DIS3L2: variants seen among roughly 807,000 people sequenced by gnomAD.
DIS3L2 encodes DIS3-like exonuclease 2.
Under a neutral mutation model 97.5 loss-of-function variants are expected in DIS3L2, and 34 were observed. The ratio of observed to expected loss-of-function variants is 0.35; its 90% CI spans 0.27 to 0.46. The LOEUF (loss-of-function observed/expected upper bound fraction) is 0.46. Ranked by LOEUF, DIS3L2 falls within the 20% of genes least tolerant of loss-of-function variation. DIS3L2 has a pLI of 1.00. For missense variants in DIS3L2, 1,038 were observed against 1,146.0 expected (o/e 0.91, Z 1.36); for synonymous variants, 435 against 445.2 (o/e 0.98, Z 0.29).
At chr2:232,322,540 G>A (rs1056667886) in intron 14 of DIS3L2, among the ~76,000 whole-genome samples, 3 of 152,228 alleles carry the variant, frequency 2.0e-5, no homozygotes, top group South Asian at 2.1e-4. Context: ...ACCACTCTAC[G>A]CTTGTTTCCC....
chr2:232,087,040 T>A (rs985173940), intron 5 of DIS3L2, among the ~76,000 whole-genome samples: 1 of 151,848 alleles, frequency 6.6e-6, no homozygotes, highest in African/African-American at 2.4e-5. Flanking sequence ...CTTAATTTTG[T>A]TTTTTTTCCA....
At chr2:232,048,521 A>G (rs545871599) in intron 5 of DIS3L2, among the ~76,000 whole-genome samples, 29 of 152,294 alleles carry the variant, frequency 1.9e-4, no homozygotes, top group Non-Finnish European at 1.8e-4. Context: ...TCATGAGGTC[A>G]GGAGATCGAG....
At chr2:232,004,972 G>A (rs1469801098) in intron 1 of DIS3L2, among the ~76,000 whole-genome samples, 3 of 152,102 alleles carry the variant, frequency 2.0e-5, no homozygotes, top group Non-Finnish European at 4.4e-5. Context: ...TTACCTCAGT[G>A]AGCGTAGTTA....
rs984527615 is a variant in DIS3L2 at position 232,176,809 on chromosome 2, A to T, written c.1124+13177A>T. Among the ~76,000 whole-genome samples the T allele has an allele frequency of 2.1e-4, 31 of 149,472 alleles. No homozygotes were observed. The South Asian group carries it at 3.4e-3, about 16-fold the overall frequency. ...AATTAATTAATTTATTATTATTATT[A>T]TTTTTTAAATTATACTTTAAGTTTT... On this transcript the variant is annotated intron_variant, in intron 9 of 20. Transcript: ENST00000325385.
intron 10 of DIS3L2, among the ~76,000 whole-genome samples, chr2:232,213,669 T>TTTTG (rs1692255864): frequency 6.6e-6 from 1 of 150,472 alleles, no homozygotes; most frequent in South Asian, 2.1e-4. Context: ...TAGTTTTTTT[T>TTTTG]TTTTTTTTTT....
intron 8 of DIS3L2, among the ~76,000 whole-genome samples, chr2:232,144,313 C>T (rs1282095038): frequency 1.3e-5 from 2 of 152,106 alleles, no homozygotes; most frequent in Non-Finnish European, 2.9e-5. Flanking sequence ...TTCTTATTTA[C>T]ACTTGTTAGA....
chr2:232,006,005 T>G (rs1485453136), intron 1 of DIS3L2, among the ~76,000 whole-genome samples: 1 of 152,090 alleles, frequency 6.6e-6, no homozygotes, highest in Non-Finnish European at 1.5e-5. Context: ...CTGGCCAACA[T>G]GGCAAAACCC....
rs550334462 is a variant in DIS3L2 at position 232,096,325 on chromosome 2, A to T, written c.601+8604A>T. On this transcript the variant is annotated intron_variant, in intron 6 of 20. Transcript: ENST00000325385. The stretch of plus-strand genomic sequence containing the variant: ...ATGGTCTTGATCTCCTGACCTCGTG[A>T]TCTGCCCACCTCGGCCTCCCAAAGT... Among the ~76,000 whole-genome samples the T allele has an allele frequency of 2.8e-3, 426 of 151,396 alleles. 1 individual carries two copies. Among genetic ancestry groups the T allele is most frequent in the Non-Finnish European group, 4.7e-3 (316 of 67,882 alleles).
intron 10 of DIS3L2, among the ~76,000 whole-genome samples, chr2:232,222,379 A>G (rs1043513729): frequency 6.6e-6 from 1 of 152,190 alleles, no homozygotes; most frequent in Non-Finnish European, 1.5e-5. Flanking sequence ...GGCCCTTGAT[A>G]ATGAACCTGG....
At chr2:232,337,218 A>G, downstream of DIS3L2, 1 of 900,264 alleles carries the variant, frequency 1.1e-6, no homozygotes, top group Non-Finnish European at 1.3e-6. Flanking sequence ...CATCACCCTG[A>G]CGAATGTGAC....
intron 6 of DIS3L2, among the ~76,000 whole-genome samples, chr2:232,126,644 CAGGGATGTGGCTG>C (rs1698070753): frequency 1.3e-5 from 2 of 152,176 alleles, no homozygotes; most frequent in South Asian, 4.1e-4. Context: ...TGTAGACATG[CAGGGATGTGGCTG>C]AGGGATGTGG....
intron 9 of DIS3L2, among the ~76,000 whole-genome samples, chr2:232,174,082 C>T (rs1170605321): frequency 6.6e-6 from 1 of 152,028 alleles, no homozygotes; most frequent in Non-Finnish European, 1.5e-5. Flanking sequence ...GATGTCTGTC[C>T]ATTAATTAGG....
rs1695970658 is a variant in DIS3L2 at position 232,336,781 on chromosome 2, T to A, written c.*151T>A. On this transcript the variant is annotated 3_prime_UTR_variant, in exon 21 of 21. Coordinates refer to ENST00000325385, the MANE Select transcript of DIS3L2 (RefSeq NM_152383.5). Reference sequence around the variant, plus strand: ...TATTTAATTTTTGCAGCTCAACTTTTAAACAAACTGCAGGGGAGAGGGTGG... The same window carrying A: ...TATTTAATTTTTGCAGCTCAACTTTAAAACAAACTGCAGGGGAGAGGGTGG... 1.4e-6 allele frequency: 2 copies of A among 1,464,034 alleles called. No homozygotes were observed. Among genetic ancestry groups the A allele is most frequent in the Non-Finnish European group, 1.8e-6 (2 of 1,117,216 alleles). 90.7% of individuals were successfully genotyped at this position (1,464,034 alleles called of 1,614,324 possible).
chr2:232,078,014 TTTC>T (rs1696265091), intron 5 of DIS3L2, among the ~76,000 whole-genome samples: 4 of 113,006 alleles, frequency 3.5e-5, no homozygotes, highest in Non-Finnish European at 5.4e-5. Flanking sequence ...TCTTTCTTTC[TTTC>T]TTTTTCTCTT....
At chr2:232,282,014 C>T (rs1179114919) in intron 13 of DIS3L2, among the ~76,000 whole-genome samples, 1 of 151,976 alleles carries the variant, frequency 6.6e-6, no homozygotes, top group Non-Finnish European at 1.5e-5. Flanking sequence ...TGAAAGCCTC[C>T]ATCCCCTGAC....
At chr2:232,054,006 C>T (rs1257469677) in intron 5 of DIS3L2, among the ~76,000 whole-genome samples, 1 of 152,118 alleles carries the variant, frequency 6.6e-6, no homozygotes, top group Non-Finnish European at 1.5e-5. Flanking sequence ...TCCAAGAGTC[C>T]CTCATTAGCA....
intron 1 of DIS3L2, among the ~76,000 whole-genome samples, chr2:231,968,343 G>A (rs949806452): frequency 2.0e-5 from 3 of 152,138 alleles, no homozygotes; most frequent in South Asian, 4.1e-4. Context: ...TGATCCGCCC[G>A]CCTCGGTCTC....
At chr2:232,012,190 T>G (rs957612698) in intron 1 of DIS3L2, among the ~76,000 whole-genome samples, 2 of 152,216 alleles carry the variant, frequency 1.3e-5, no homozygotes, top group African/African-American at 4.8e-5. Flanking sequence ...GAAAACAAAC[T>G]CATCCATTCA....
rs577946039 is a variant in DIS3L2 at position 232,290,050 on chromosome 2, G to A, written c.1660-9990G>A. ...CACTTTCCTGTGGAAGCAGCTTTGGGTAACTGCATTCCTTCGACAGTAGTT... is the reference window on the plus strand; with the variant it reads ...CACTTTCCTGTGGAAGCAGCTTTGGATAACTGCATTCCTTCGACAGTAGTT... On this transcript the variant is annotated intron_variant, in intron 13 of 20. Transcript: ENST00000325385. 3.3e-5 allele frequency among the ~76,000 whole-genome samples: 5 copies of A among 152,368 alleles called. No individual in the cohort carries two copies. The South Asian group carries it at 1.0e-3, about 32-fold the overall frequency.
Sources: allele counts gnomAD v4.1 joint callset (sites outside exome capture counted in the v4.1 genomes callset), GRCh38; gene constraint gnomAD v4.1.1; transcripts MANE v1.5; gene names NCBI Gene and HGNC (gene_info 2026-07-23, HGNC 2026-07-21).